The following MGMT variants were observed in gnomAD, a reference collection of about 807,000 sequenced individuals.
The protein encoded by MGMT is methylated-DNA--protein-cysteine methyltransferase.
A neutral mutation model predicts 15.9 loss-of-function variants in MGMT; 14 were observed. The observed-to-expected ratio is 0.88, with a 90% CI of 0.58 to 1.37. MGMT has a LOEUF of 1.37. Ranked by LOEUF, MGMT falls within the 40% of genes most tolerant of loss-of-function variation. The pLI is 0.00. For synonymous variants in MGMT, 130 were observed against 118.2 expected (o/e 1.10, Z -0.65); for missense variants, 282 against 268.1 (o/e 1.05, Z -0.36).
chr10:129,759,483 T>C, intron 4 of MGMT, 142 bp downstream of exon 4: 1 of 1,289,300 alleles, frequency 7.8e-7, no homozygotes, highest in Non-Finnish European at 1.1e-6. Flanking sequence ...TGGGGACCAT[T>C]ATGCCAGATG....
chr10:129,674,487 C>T (rs1740412991), intron 2 of MGMT, among the ~76,000 whole-genome samples: 1 of 152,232 alleles, frequency 6.6e-6, no homozygotes, highest in Non-Finnish European at 1.5e-5. Flanking sequence ...TTGCTCCTTC[C>T]TGACCTCTTA....
At chr10:129,568,158 G>A (rs1014763891) in intron 2 of MGMT, among the ~76,000 whole-genome samples, 6 of 152,208 alleles carry the variant, frequency 3.9e-5, no homozygotes, top group African/African-American at 1.4e-4. Flanking sequence ...CATTAAGCTC[G>A]CTTTACTTGG....
chr10:129,603,331 AT>A (rs1335892403), intron 2 of MGMT, among the ~76,000 whole-genome samples: 1 of 152,250 alleles, frequency 6.6e-6, no homozygotes, highest in Non-Finnish European at 1.5e-5. Flanking sequence ...CCAAAGACAG[AT>A]GATTAGCAAG....
At chr10:129,673,241 A>T (rs985720403) in intron 2 of MGMT, among the ~76,000 whole-genome samples, 3 of 152,146 alleles carry the variant, frequency 2.0e-5, no homozygotes, top group African/African-American at 7.2e-5. Flanking sequence ...TGCTCTTAGA[A>T]TATGACCCAC....
At position 129,768,200 on chromosome 10, in the gene MGMT, A is replaced by G. The variant is rs990583526; in HGVS notation, c.*1203A>G. ...TGTGTATGGTTGGGACCCGCCTTCT[A>G]TTTCATTTTATCTTAACACCAACGA... On this transcript the variant is annotated 3_prime_UTR_variant, in exon 5 of 5. Transcript: ENST00000651593. Among the ~76,000 whole-genome samples the G allele has an allele frequency of 6.6e-6, 1 of 152,160 alleles. No homozygotes were observed. Among genetic ancestry groups the G allele is most frequent in the Admixed American group, 6.5e-5 (1 of 15,286 alleles).
chr10:129,578,380 G>T (rs1307920977), intron 2 of MGMT, among the ~76,000 whole-genome samples: 1 of 152,158 alleles, frequency 6.6e-6, no homozygotes, highest in Non-Finnish European at 1.5e-5. Flanking sequence ...CATGTCATTT[G>T]TAGGGACATG....
intron 3 of MGMT, among the ~76,000 whole-genome samples, chr10:129,731,205 A>G (rs955045801): frequency 3.8e-4 from 44 of 116,286 alleles, no homozygotes; most frequent in African/African-American, 1.5e-3. Flanking sequence ...GAGCCCTGCC[A>G]GGCCCGGTCG....
At chr10:129,520,888 T>A (rs1845800538) in intron 1 of MGMT, among the ~76,000 whole-genome samples, 1 of 150,886 alleles carries the variant, frequency 6.6e-6, no homozygotes, top group African/African-American at 2.4e-5. Flanking sequence ...ACAGTGCGGG[T>A]GCAGAGCCCC....
At chr10:129,493,443 G>A (rs1589834568) in intron 1 of MGMT, among the ~76,000 whole-genome samples, 1 of 152,252 alleles carries the variant, frequency 6.6e-6, no homozygotes, top group African/African-American at 2.4e-5. Context: ...TACTAGAGAG[G>A]CCATTCAGGA....
chr10:129,743,450 A>G (rs910835443), intron 3 of MGMT, among the ~76,000 whole-genome samples: 5 of 152,316 alleles, frequency 3.3e-5, no homozygotes, highest in African/African-American at 9.6e-5. Flanking sequence ...ACAGAGGTGC[A>G]TCAGTGCGTT....
At chr10:129,687,687 C>T (rs970571836) in intron 2 of MGMT, among the ~76,000 whole-genome samples, 3 of 147,830 alleles carry the variant, frequency 2.0e-5, no homozygotes, top group African/African-American at 7.5e-5. Context: ...GGGAAACTCA[C>T]ATGTGTAGCC....
chr10:129,621,314 G>A (rs548321740), intron 2 of MGMT, among the ~76,000 whole-genome samples: 3 of 152,194 alleles, frequency 2.0e-5, no homozygotes, highest in South Asian at 2.1e-4. Flanking sequence ...CCATGTACAC[G>A]GCCATTGATC....
intron 2 of MGMT, among the ~76,000 whole-genome samples, chr10:129,595,407 G>A (rs1223271248): frequency 3.3e-5 from 5 of 152,162 alleles, no homozygotes; most frequent in Admixed American, 6.5e-5. Context: ...CGTGACACAC[G>A]TTCCTCCCTG....
At chr10:129,612,141 C>A (rs1214941952) in intron 2 of MGMT, among the ~76,000 whole-genome samples, 4 of 152,170 alleles carry the variant, frequency 2.6e-5, no homozygotes, top group African/African-American at 9.7e-5. Flanking sequence ...ATTTAAAAAT[C>A]TCCTGGTTGA....
intron 3 of MGMT, among the ~76,000 whole-genome samples, chr10:129,717,050 T>C (rs951445306): frequency 1.1e-4 from 17 of 152,228 alleles, no homozygotes; most frequent in African/African-American, 4.1e-4. Flanking sequence ...AGCATGGTAA[T>C]TTAGTAGAGG....
chr10:129,673,040 C>T (rs1051284469), intron 2 of MGMT, among the ~76,000 whole-genome samples: 1 of 152,134 alleles, frequency 6.6e-6, no homozygotes. Context: ...GCTCTAGTGA[C>T]AGCTCACTTT....
intron 1 of MGMT, among the ~76,000 whole-genome samples, chr10:129,482,381 G>C (rs973018881): frequency 5.9e-5 from 9 of 152,184 alleles, no homozygotes; most frequent in African/African-American, 2.2e-4. Flanking sequence ...TGTATACTCT[G>C]TGGTTCTTGG....
intron 2 of MGMT, among the ~76,000 whole-genome samples, chr10:129,615,863 C>T (rs1342296267): frequency 1.3e-5 from 2 of 152,100 alleles, no homozygotes; most frequent in East Asian, 1.9e-4. Flanking sequence ...GAGCTGCCCA[C>T]GGCAGGGGGT....
At chr10:129,761,030 T>C (rs1848866954) in intron 4 of MGMT, among the ~76,000 whole-genome samples, 1 of 152,200 alleles carries the variant, frequency 6.6e-6, no homozygotes, top group Non-Finnish European at 1.5e-5. Context: ...CATTTCCCAA[T>C]AAAACTTAAC....
Sources: allele counts gnomAD v4.1 joint callset (sites outside exome capture counted in the v4.1 genomes callset), GRCh38; gene constraint gnomAD v4.1.1; transcripts MANE v1.5; gene names NCBI Gene and HGNC (gene_info 2026-07-23, HGNC 2026-07-21).